The following KCNQ2 variants were observed in gnomAD, a reference collection of about 807,000 sequenced individuals.
KCNQ2 encodes the protein potassium voltage-gated channel subfamily KQT member 2.
A neutral mutation model predicts 84.8 loss-of-function variants in KCNQ2; 14 were observed. The observed-to-expected ratio is 0.17, with a 90% confidence interval of 0.11 to 0.26. The LOEUF is 0.26. KCNQ2 is among the 10% of genes least tolerant of loss of function. The pLI is 1.00. For missense variants in KCNQ2, 788 were observed against 1,254.0 expected, an observed-to-expected ratio of 0.63 and a Z score of 5.61; for synonymous variants, 599 against 554.1, an observed-to-expected ratio of 1.08 and a Z score of -1.14.
chr20:63,419,249 TCA>T (rs2080393588), intron 12 of KCNQ2, among the ~76,000 whole-genome samples: 2 of 149,706 alleles, frequency 1.3e-5, no homozygotes, highest in South Asian at 4.2e-4. Flanking sequence ...CCAGGAAGGC[TCA>T]GTCATCCTCA....
rs1208679186 is a variant in KCNQ2 at position 63,472,064 on chromosome 20, G to A, written c.296+104C>T. 1.0e-5 allele frequency: 8 copies of A among 789,566 alleles called. No homozygotes were observed. In the East Asian group the frequency reaches 2.3e-4, roughly 22 times the overall value. 48.9% of individuals were successfully genotyped at this position (789,566 alleles called of 1,614,324 possible). A position where few individuals can be genotyped will look rare whatever the true frequency, so the allele number is the denominator to read the frequency against. On this transcript the variant is annotated intron_variant, in intron 1 of 16. Coordinates refer to ENST00000359125, the MANE Select transcript of KCNQ2 (RefSeq NM_172107.4). ...GCCGGCCCCGGACCCAGACCCAGGG[G>A]CAGGGAGCCAAACCCGCCGCAGCCA...
At chr20:63,449,173 G>T (rs922530809) in intron 1 of KCNQ2, 3 of 152,362 alleles carry the variant, frequency 2.0e-5, no homozygotes, top group African/African-American at 7.2e-5. Context: ...GATGGGAGAA[G>T]AGGCCTTAAG....
At chr20:63,458,294 G>A (rs554425383) in intron 1 of KCNQ2, among the ~76,000 whole-genome samples, 69 of 152,286 alleles carry the variant, frequency 4.5e-4, no homozygotes, top group African/African-American at 1.6e-3. Context: ...CAGCATAGGC[G>A]AGCCCCAGGC....
At chr20:63,435,201 A>C (rs977951296) in intron 7 of KCNQ2, among the ~76,000 whole-genome samples, 16 of 152,112 alleles carry the variant, frequency 1.1e-4, no homozygotes, top group African/African-American at 1.4e-4. Context: ...CCAGCCTGGG[A>C]AACATGGCAA....
chr20:63,414,356 C>T lies in KCNQ2; in HGVS notation c.1526-163G>A, dbSNP rs2281570. Among the ~76,000 whole-genome samples, 41,489 of 152,068 alleles carry T rather than the reference C, an allele frequency of 0.27. 6,320 individuals carry two copies. Among genetic ancestry groups the T allele is most frequent in the East Asian group, 0.57 (2,903 of 5,126 alleles). ...TTTTCTGGAAACCCACCCATCTGCA[C>T]CCAGCTGCTCTCGAGTCAGGACCTT... is the stretch of plus-strand genomic sequence containing the variant. On this transcript the variant is annotated intron_variant, in intron 13 of 16. Coordinates refer to ENST00000359125, the MANE Select transcript of KCNQ2 (RefSeq NM_172107.4). This position sits in a 1 kb window ranked among gnomAD's most constrained non-coding sequence, Gnocchi z 6.6.
intron 4 of KCNQ2, among the ~76,000 whole-genome samples, 167 bp from the exon 5 acceptor site, chr20:63,442,698 CCATCACCAT>C (rs2081212417): frequency 1.0e-5 from 1 of 100,376 alleles, no homozygotes; most frequent in African/African-American, 3.9e-5. Flanking sequence ...ACCATCACCA[CCATCACCAT>C]CACCACCACC....
chr20:63,456,290 C>A (rs544548771), intron 1 of KCNQ2, among the ~76,000 whole-genome samples: 1 of 152,126 alleles, frequency 6.6e-6, no homozygotes, highest in Non-Finnish European at 1.5e-5. Flanking sequence ...GCCGCCACCC[C>A]GCTCCTCACT....
rs751372070 is a variant in KCNQ2, at chr20:63,415,146, C to CAGACAGAG, written c.1302-21_1302-20insCTCTGTCT. The CAGACAGAG allele has an allele frequency of 3.1e-4, 482 of 1,566,670 alleles. 1 individual carries two copies. Among genetic ancestry groups the CAGACAGAG allele is most frequent in the Admixed American group, 1.0e-4 (6 of 59,044 alleles). On this transcript the variant is annotated intron_variant, in intron 12 of 16. Transcript: ENST00000359125. The stretch of plus-strand genomic sequence containing the variant: ...TTCTGGCTGCTCCCACGGGAACCGA[C>CAGACAGAG]AGACAGACAGAAAAACAGGGAGAGA...
chr20:63,452,200 ATG>A (rs749143111), intron 1 of KCNQ2, among the ~76,000 whole-genome samples: 1 of 64,426 alleles, frequency 1.6e-5, no homozygotes, highest in Non-Finnish European at 3.1e-5. Context: ...AAAGCGTCTC[ATG>A]TGAAAACTGT....
intron 9 of KCNQ2, among the ~76,000 whole-genome samples, chr20:63,429,302 C>T (rs2080725473): frequency 6.6e-6 from 1 of 151,856 alleles, no homozygotes; most frequent in African/African-American, 2.4e-5. Context: ...TGAACCCCCT[C>T]CACTCCGCCT....
At position 63,446,216 on chromosome 20, in the gene KCNQ2, C is replaced by T; in HGVS notation, c.387+531G>A. 3 of 262,562 alleles carry T rather than the reference C, an allele frequency of 1.1e-5. 1 individual carries two copies. Among genetic ancestry groups the T allele is most frequent in the South Asian group, 4.0e-5 (1 of 24,764 alleles). 16.3% of individuals were successfully genotyped at this position (262,562 alleles called of 1,614,324 possible). ...GTCTCCACCCAGACCTTGGGAAGCC[C>T]CAGAACAGAGGAGCAGGGCGGGCAG... On this transcript the variant is annotated intron_variant, in intron 2 of 16. Transcript: ENST00000359125. The surrounding 1 kb of genome is among the most constrained non-coding windows in gnomAD (Gnocchi z 5.5).
intron 5 of KCNQ2, chr20:63,439,935 G>A (rs2081110443): frequency 6.5e-6 from 4 of 613,428 alleles, no homozygotes; most frequent in South Asian, 5.7e-5. Flanking sequence ...CCAGCCAAAG[G>A]CTGTGTCCCC....
In KCNQ2 at chr20:63,408,116, C is replaced by T; in HGVS notation, c.1887+297G>A. The stretch of plus-strand genomic sequence containing the variant: ...AAGGCCAGGCAGGTACAACTTCCGG[C>T]ACGTTCCACAAGGAACCCCTGAGGG... On this transcript the variant is annotated intron_variant, in intron 16 of 16. Coordinates refer to ENST00000359125, the MANE Select transcript of KCNQ2 (RefSeq NM_172107.4). This position sits in a 1 kb window ranked among gnomAD's most constrained non-coding sequence, Gnocchi z 5.0. 2.3e-6 allele frequency: 1 copy of T among 430,354 alleles called. No individual in the cohort carries two copies. The highest frequency in any genetic ancestry group is 4.3e-6 in the Non-Finnish European group (1 of 230,128). The allele number at this position is 430,354 out of a possible 1,614,324, so 26.7% of individuals were successfully genotyped here.
chr20:63,446,849 G>C lies in KCNQ2; in HGVS notation c.297-12C>G, dbSNP rs766979877. ...AAACCAGGAGGAACCTGGGGGCAGG[G>C]AACGCGCGCTCTCAGACAGGCCGCA... On this transcript the variant is annotated splice_polypyrimidine_tract_variant and intron_variant, in intron 1 of 16. Transcript: ENST00000359125. The surrounding 1 kb of genome is among the most constrained non-coding windows in gnomAD (Gnocchi z 5.5). 4 of 1,611,230 alleles carry C rather than the reference G, an allele frequency of 2.5e-6. No homozygotes were observed. The highest frequency in any genetic ancestry group is 1.3e-5 in the African/African-American group (1 of 74,836).
At chr20:63,465,171 A>G (rs980821714) in intron 1 of KCNQ2, among the ~76,000 whole-genome samples, 32 of 152,188 alleles carry the variant, frequency 2.1e-4, no homozygotes, top group African/African-American at 7.7e-4. Context: ...AAGAGCAGAG[A>G]GCTCTTCAGC....
chr20:63,412,695 A>G (rs1842621854), intron 15 of KCNQ2, among the ~76,000 whole-genome samples: 1 of 152,190 alleles, frequency 6.6e-6, no homozygotes, highest in Non-Finnish European at 1.5e-5. Flanking sequence ...TTCTCCCTGT[A>G]ACAGGGGCCC....
In KCNQ2 at chr20:63,408,454, C is replaced by T; in HGVS notation, c.1846G>A (p.Asp616Asn). 2 of 1,609,096 alleles carry T rather than the reference C, an allele frequency of 1.2e-6. No individual in the cohort carries two copies. Among genetic ancestry groups the T allele is most frequent in the Non-Finnish European group, 1.7e-6 (2 of 1,178,836 alleles). ...CCGAGCCGTCCCATCATGCTGGGGT[C>T]CTCGGGCAGCTCCGCCTCGGCCGGG... is the stretch of plus-strand genomic sequence containing the variant. The part of the protein sequence containing the change: ...KGPAEAELPE[D>N]PSMMGRLGKV... The change falls in exon 16 of 17, where the codon GAC becomes AAC. Residue 616 changes from aspartate to asparagine, a missense_variant. Asp to Asn is a conservative substitution (Grantham distance 23). Coordinates refer to ENST00000359125, the MANE Select transcript of KCNQ2 (RefSeq NM_172107.4). This position sits in a 1 kb window ranked among gnomAD's most constrained non-coding sequence, Gnocchi z 5.0.
chr20:63,403,515 G>C lies in KCNQ2; in HGVS notation c.*3129C>G, dbSNP rs1050559656. 1 of 152,458 alleles carries C rather than the reference G, an allele frequency of 6.6e-6. No homozygotes were observed. Among genetic ancestry groups the C allele is most frequent in the African/African-American group, 2.4e-5 (1 of 41,430 alleles). 9.4% of individuals were successfully genotyped at this position (152,458 alleles called of 1,614,324 possible). A position where few individuals can be genotyped will look rare whatever the true frequency, so the allele number is the denominator to read the frequency against. ...GCACTTTGTGTGTGCATGTGTTAGT[G>C]CTGTGTGTGGTCTGTGCACTTGTGT... On this transcript the variant is annotated 3_prime_UTR_variant, in exon 17 of 17. Coordinates refer to ENST00000359125, the MANE Select transcript of KCNQ2 (RefSeq NM_172107.4).
chr20:63,419,549 C>T, intron 12 of KCNQ2, 70 bp downstream of exon 12: 5 of 1,488,740 alleles, frequency 3.4e-6, no homozygotes, highest in Non-Finnish European at 4.6e-6. Flanking sequence ...CCTCCAGAAC[C>T]TCTAGTAAGC....
Sources: allele counts gnomAD v4.1 joint callset (sites outside exome capture counted in the v4.1 genomes callset), GRCh38; gene constraint gnomAD v4.1.1; non-coding constraint Gnocchi (gnomAD v3.1); transcripts MANE v1.5; gene names NCBI Gene and HGNC (gene_info 2026-07-23, HGNC 2026-07-21).